HES4: variants seen among roughly 807,000 people sequenced by gnomAD.
HES4 encodes the protein hes family bHLH transcription factor 4.
A neutral mutation model predicts 10.7 loss-of-function variants in HES4; 17 were observed. The ratio of observed to expected loss-of-function variants is 1.59; its 90% CI spans 1.09 to 2.38. HES4 has a LOEUF of 2.38. HES4 is among the 30% of genes most tolerant of loss of function. The pLI, the probability that HES4 is intolerant of heterozygous loss-of-function variation, is 0.00. For synonymous variants in HES4, 189 were observed against 159.7 expected, an observed-to-expected ratio of 1.18 and a Z score of -1.38; for missense variants, 389 against 332.1, an observed-to-expected ratio of 1.17 and a Z score of -1.33.
In HES4 at chr1:1,000,050, G is replaced by A. The variant is rs1644007930; in HGVS notation, c.-77C>T. On this transcript the variant is annotated 5_prime_UTR_variant, in exon 1 of 4. Coordinates refer to ENST00000304952, the MANE Select transcript of HES4 (RefSeq NM_021170.4). ...GGGCGGGCTGGCGGGCGAGCGGCGA[G>A]CGCGCGGCGATCCGAGCCCCTAGGG... 7 of 1,161,410 alleles carry A rather than the reference G, an allele frequency of 6.0e-6. No homozygotes were observed. The highest frequency in any genetic ancestry group is 1.6e-5 in the African/African-American group (1 of 61,574). The allele number at this position is 1,161,410 out of a possible 1,614,324, so 71.9% of individuals were successfully genotyped here.
Position 999,783 on chromosome 1 carries a change from G to C in HES4, c.113C>G (p.Ser38Cys), listed in dbSNP as rs751404133. 1.2e-5 allele frequency: 20 copies of C among 1,611,028 alleles called. No homozygotes were observed. The highest frequency in any genetic ancestry group is 4.0e-5 in the African/African-American group (3 of 74,658). Residue 38 changes from serine to cysteine, a missense_variant, in exon 2 of 4, where the codon TCC (serine) becomes TGC (cysteine). By Grantham distance (112) the Ser-to-Cys change is moderately radical. Transcript: ENST00000304952. Reference sequence around the variant, plus strand: ...GCGCCGCTTCTCCATGACCGGCTTGGAGGACTGCGGGTCGGGCACCGGCTG... The same window carrying C: ...GCGCCGCTTCTCCATGACCGGCTTGCAGGACTGCGGGTCGGGCACCGGCTG... ...PRSAAEHRKS[S>C]KPVMEKRRRA... is the part of the protein sequence containing the mutation.
Position 999,960 on chromosome 1 carries a change from G to C in HES4, c.14C>G (p.Thr5Arg), listed in dbSNP as rs1214667304. The C allele has an allele frequency of 1.0e-5, 15 of 1,448,782 alleles. No individual in the cohort carries two copies. The highest frequency in any genetic ancestry group is 1.3e-5 in the Non-Finnish European group (15 of 1,111,140). 89.7% of individuals were successfully genotyped at this position (1,448,782 alleles called of 1,614,324 possible). The change falls in exon 1 of 4, where the codon ACG becomes AGG. Residue 5 changes from threonine to arginine, a missense_variant. Coordinates refer to ENST00000304952, the MANE Select transcript of HES4 (RefSeq NM_021170.4). MAAD[T>R]PGKPSASPMA... ...CGGCGAGGCGCTCGGTTTCCCCGGC[G>C]TGTCTGCGGCCATGGTGCGCCCCGC...
rs751805487 is a variant in HES4, at chr1:999,064, G to C, written c.661C>G (p.Arg221Gly). The change falls in exon 4 of 4, where the codon CGC (arginine) becomes GGC (glycine). Residue 221 changes from arginine to glycine, a missense_variant. By Grantham distance (125) the Arg-to-Gly change is moderately radical. Coordinates refer to ENST00000304952, the MANE Select transcript of HES4 (RefSeq NM_021170.4). ...GCAGTCTCAGGGCCACAGCCTCAGC[G>C]CAGCCACGGCCTCCAGGGCCCACCC... is the stretch of plus-strand genomic sequence containing the variant. ...GPGGPWRPWLR is the reference protein window; with the variant it reads ...GPGGPWRPWLG 2 of 1,259,528 alleles carry C rather than the reference G, an allele frequency of 1.6e-6. No individual in the cohort carries two copies. Among genetic ancestry groups the C allele is most frequent in the Non-Finnish European group, 2.0e-6 (2 of 1,001,012 alleles). The allele number at this position is 1,259,528 out of a possible 1,614,324, so 78.0% of individuals were successfully genotyped here.
Position 999,389 on chromosome 1 carries a change from G to A in HES4, c.336C>T (p.Ala112=), listed in dbSNP as rs1643988759. Residue 112 remains alanine (A), a synonymous_variant, in exon 4 of 4, where the codon GCC becomes GCT. Coordinates refer to ENST00000304952, the MANE Select transcript of HES4 (RefSeq NM_021170.4). ...ADPAVLGKYR[A]GFHECLAEVN... ...CCTCCGCCAGACACTCGTGGAAGCCGGCGCGGTACTTGCCCAGAACGGCGG... is the reference window on the plus strand; with the variant it reads ...CCTCCGCCAGACACTCGTGGAAGCCAGCGCGGTACTTGCCCAGAACGGCGG... The A allele has an allele frequency of 2.0e-6, 3 of 1,505,844 alleles. No individual in the cohort carries two copies. The highest frequency in any genetic ancestry group is 2.6e-6 in the Non-Finnish European group (3 of 1,139,686). The allele number at this position is 1,505,844 out of a possible 1,614,324, so 93.3% of individuals were successfully genotyped here.
In HES4 at chr1:999,436, C is replaced by T. The variant is rs1213488902; in HGVS notation, c.293-4G>A. 1.3e-6 allele frequency: 2 copies of T among 1,513,466 alleles called. No individual in the cohort carries two copies. Among genetic ancestry groups the T allele is most frequent in the South Asian group, 1.3e-5 (1 of 79,418 alleles). The allele number at this position is 1,513,466 out of a possible 1,614,324, so 93.8% of individuals were successfully genotyped here. A position where few individuals can be genotyped will look rare whatever the true frequency, so the allele number is the denominator to read the frequency against. ...GCGGGGTCGGCGCTGAGCGCGGCTGCGGGAGCGACACAGGAGGAGAGGTCG... is the reference window on the plus strand; with the variant it reads ...GCGGGGTCGGCGCTGAGCGCGGCTGTGGGAGCGACACAGGAGGAGAGGTCG... On this transcript the variant is annotated splice_region_variant and splice_polypyrimidine_tract_variant and intron_variant, in intron 3 of 3. Transcript: ENST00000304952.
chr1:999,066 A>C lies in HES4; in HGVS notation c.659T>G (p.Leu220Arg), dbSNP rs529717601. Residue 220 changes from leucine to arginine, a missense_variant, in exon 4 of 4, where the codon CTG becomes CGG. Leu to Arg is a moderately radical substitution (Grantham distance 102). Coordinates refer to ENST00000304952, the MANE Select transcript of HES4 (RefSeq NM_021170.4). Reference protein sequence around the residue: ...QGPGGPWRPWLR With the variant: ...QGPGGPWRPWRR ...AGTCTCAGGGCCACAGCCTCAGCGC[A>C]GCCACGGCCTCCAGGGCCCACCCGG... 1 of 1,259,594 alleles carries C rather than the reference A, an allele frequency of 7.9e-7. No homozygotes were observed. 78.0% of individuals were successfully genotyped at this position (1,259,594 alleles called of 1,614,324 possible). A position where few individuals can be genotyped will look rare whatever the true frequency, so the allele number is the denominator to read the frequency against.
At position 999,956 on chromosome 1, in the gene HES4, C is replaced by T. The variant is rs773112357; in HGVS notation, c.18G>A (p.Pro6=). ...CCATCGGCGAGGCGCTCGGTTTCCCCGGCGTGTCTGCGGCCATGGTGCGCC... is the reference window on the plus strand; with the variant it reads ...CCATCGGCGAGGCGCTCGGTTTCCCTGGCGTGTCTGCGGCCATGGTGCGCC... MAADT[P]GKPSASPMAG... is the part of the protein sequence containing the mutation. Residue 6 remains proline (P), a synonymous_variant, in exon 1 of 4, where the codon CCG becomes CCA. Coordinates refer to ENST00000304952, the MANE Select transcript of HES4 (RefSeq NM_021170.4). 4.8e-6 allele frequency: 7 copies of T among 1,450,224 alleles called. No individual in the cohort carries two copies. The highest frequency in any genetic ancestry group is 3.0e-5 in the African/African-American group (2 of 66,532). The allele number at this position is 1,450,224 out of a possible 1,614,324, so 89.8% of individuals were successfully genotyped here. A position where few individuals can be genotyped will look rare whatever the true frequency, so the allele number is the denominator to read the frequency against.
rs764677178 is a variant in HES4 at position 999,578 on chromosome 1, G to C, written c.240C>G (p.Ile80Met). ...SRHSKLEKAD[I>M]LEMTVRHLRS... is the part of the protein sequence containing the mutation. The stretch of plus-strand genomic sequence containing the variant: ...GCAGGTGTCTCACGGTCATCTCCAG[G>C]ATGTCCGCCTTCTCCAGCTTCGAGT... Residue 80 changes from isoleucine to methionine, a missense_variant, in exon 3 of 4, where the codon ATC becomes ATG. By Grantham distance (10) the Ile-to-Met change is conservative. Coordinates refer to ENST00000304952, the MANE Select transcript of HES4 (RefSeq NM_021170.4). 4 of 1,610,242 alleles carry C rather than the reference G, an allele frequency of 2.5e-6. No homozygotes were observed. Among genetic ancestry groups the C allele is most frequent in the Admixed American group, 1.7e-5 (1 of 59,792 alleles).
In HES4 at chr1:999,603, TGGCGGGAGCTCTGGG is replaced by T. The variant is rs1557668160; in HGVS notation, c.205-5_214del. 1 of 1,607,506 alleles carries T rather than the reference TGGCGGGAGCTCTGGG, an allele frequency of 6.2e-7. No individual in the cohort carries two copies. Among genetic ancestry groups the T allele is most frequent in the Non-Finnish European group, 8.5e-7 (1 of 1,177,944 alleles). ...GATGTCCGCCTTCTCCAGCTTCGAGTGGCGGGAGCTCTGGGGGCGGGGATAGGCGGGAGGTCCAGG... is the reference window on the plus strand; with the variant it reads ...GATGTCCGCCTTCTCCAGCTTCGAGTGGCGGGGATAGGCGGGAGGTCCAGG... On this transcript the variant is annotated splice_acceptor_variant and splice_polypyrimidine_tract_variant and coding_sequence_variant and intron_variant, in exon 3 of 4. Coordinates refer to ENST00000304952, the MANE Select transcript of HES4 (RefSeq NM_021170.4). LOFTEE classifies it high-confidence loss of function.
chr1:999,012 G>A lies in HES4; in HGVS notation c.*47C>T, dbSNP rs754810551. The A allele has an allele frequency of 4.8e-6, 6 of 1,255,698 alleles. No homozygotes were observed. The highest frequency in any genetic ancestry group is 5.0e-6 in the Non-Finnish European group (5 of 994,792). The allele number at this position is 1,255,698 out of a possible 1,614,324, so 77.8% of individuals were successfully genotyped here. A position where few individuals can be genotyped will look rare whatever the true frequency, so the allele number is the denominator to read the frequency against. On this transcript the variant is annotated 3_prime_UTR_variant, in exon 4 of 4. Coordinates refer to ENST00000304952, the MANE Select transcript of HES4 (RefSeq NM_021170.4). Reference sequence around the variant, plus strand: ...TGCTACAGTCTCGGCAAAGGCCACGGCCCTAGAACGGGGCGCCGCCTCCGA... The same window carrying A: ...TGCTACAGTCTCGGCAAAGGCCACGACCCTAGAACGGGGCGCCGCCTCCGA...
rs1644003549 is a variant in HES4 at position 999,898 on chromosome 1, CTG to C, written c.74_75del (p.Pro25ArgfsTer26). On this transcript the variant is annotated frameshift_variant, in exon 1 of 4. Coordinates refer to ENST00000304952, the MANE Select transcript of HES4 (RefSeq NM_021170.4). LOFTEE classifies it high-confidence loss of function. ...AGAPASASRT[P>X]DKPRSAAEHR... ...TGCTCGGCCGCGCTCCGGGGCTTGTCTGGGGTCCGGCTGGCGCTGGCCGGCGC... is the reference window on the plus strand; with the variant it reads ...TGCTCGGCCGCGCTCCGGGGCTTGTCGGGTCCGGCTGGCGCTGGCCGGCGC... 1 of 1,498,472 alleles carries C rather than the reference CTG, an allele frequency of 6.7e-7. No homozygotes were observed. The highest frequency in any genetic ancestry group is 1.5e-5 in the African/African-American group (1 of 68,306). The allele number at this position is 1,498,472 out of a possible 1,614,324, so 92.8% of individuals were successfully genotyped here.
intron 3 of HES4, 23 bp downstream of exon 3, chr1:999,503 A>T (rs1643991639): frequency 6.4e-7 from 1 of 1,570,348 alleles, no homozygotes; most frequent in Non-Finnish European, 8.6e-7. Context: ...CCCGCCTCCA[A>T]GCCGCCGCCG....
At position 999,944 on chromosome 1, in the gene HES4, G is replaced by A; in HGVS notation, c.30C>T (p.Ser10=). 3.4e-6 allele frequency: 5 copies of A among 1,455,374 alleles called. No homozygotes were observed. Among genetic ancestry groups the A allele is most frequent in the South Asian group, 2.7e-5 (2 of 75,208 alleles). The allele number at this position is 1,455,374 out of a possible 1,614,324, so 90.2% of individuals were successfully genotyped here. ...CCGGCGCTCCTGCCATCGGCGAGGC[G>A]CTCGGTTTCCCCGGCGTGTCTGCGG... is the stretch of plus-strand genomic sequence containing the variant. MAADTPGKP[S]ASPMAGAPAS... Residue 10 remains serine, a synonymous_variant, in exon 1 of 4, where the codon AGC becomes AGT. Transcript: ENST00000304952.
chr1:999,791 C>A lies in HES4; in HGVS notation c.109-4G>T. 1 of 1,610,268 alleles carries A rather than the reference C, an allele frequency of 6.2e-7. No homozygotes were observed. The highest frequency in any genetic ancestry group is 8.5e-7 in the Non-Finnish European group (1 of 1,179,006). ...TCTCCATGACCGGCTTGGAGGACTG[C>A]GGGTCGGGCACCGGCTGAGTCCCGC... is the stretch of plus-strand genomic sequence containing the variant. On this transcript the variant is annotated splice_polypyrimidine_tract_variant and splice_region_variant and intron_variant, in intron 1 of 3. Transcript: ENST00000304952.
chr1:999,311 G>A lies in HES4; in HGVS notation c.414C>T (p.Arg138=), dbSNP rs1445353125. ...GGCAGGCTGCCAGGTGGCCCAGCAGGCGGGAGCGCACGTCGGCCGGGACGC... is the reference window on the plus strand; with the variant it reads ...GGCAGGCTGCCAGGTGGCCCAGCAGACGGGAGCGCACGTCGGCCGGGACGC... ...CEGVPADVRS[R]LLGHLAACLR... Residue 138 remains arginine, a synonymous_variant, in exon 4 of 4, where the codon CGC becomes CGT. Transcript: ENST00000304952. 3 of 1,475,714 alleles carry A rather than the reference G, an allele frequency of 2.0e-6. No homozygotes were observed. The highest frequency in any genetic ancestry group is 2.7e-6 in the Non-Finnish European group (3 of 1,119,810). 91.4% of individuals were successfully genotyped at this position (1,475,714 alleles called of 1,614,324 possible).
rs1302167059 is a variant in HES4, at chr1:999,798, G to A, written c.109-11C>T. ...GACCGGCTTGGAGGACTGCGGGTCG[G>A]GCACCGGCTGAGTCCCGCGTCCCTC... On this transcript the variant is annotated splice_polypyrimidine_tract_variant and intron_variant, in intron 1 of 3. Transcript: ENST00000304952. The A allele has an allele frequency of 2.0e-5, 32 of 1,609,470 alleles. No individual in the cohort carries two copies. The highest frequency in any genetic ancestry group is 2.5e-5 in the Non-Finnish European group (30 of 1,178,834).
At position 999,594 on chromosome 1, in the gene HES4, A is replaced by G. The variant is rs781624234; in HGVS notation, c.224T>C (p.Leu75Pro). The G allele has an allele frequency of 7.5e-6, 12 of 1,609,228 alleles. No individual in the cohort carries two copies. Among genetic ancestry groups the G allele is most frequent in the Non-Finnish European group, 9.3e-6 (11 of 1,178,522 alleles). Residue 75 changes from leucine (L) to proline (P), a missense_variant, in exon 3 of 4, where the codon CTG (leucine) becomes CCG (proline). Coordinates refer to ENST00000304952, the MANE Select transcript of HES4 (RefSeq NM_021170.4). ...LRKESSRHSK[L>P]EKADILEMTV... ...CATCTCCAGGATGTCCGCCTTCTCC[A>G]GCTTCGAGTGGCGGGAGCTCTGGGG...
intron 3 of HES4, 41 bp from the exon 4 acceptor site, chr1:999,473 CG>C: frequency 4.5e-6 from 7 of 1,557,738 alleles, no homozygotes; most frequent in South Asian, 1.2e-5. Context: ...TGCCGGGTCC[CG>C]GGGGTCCCGC....
chr1:999,608 G>A lies in HES4; in HGVS notation c.210C>T (p.Ser70=). ...CCGCCTTCTCCAGCTTCGAGTGGCG[G>A]GAGCTCTGGGGGCGGGGATAGGCGG... ...LILDALRKES[S]RHSKLEKADI... The change falls in exon 3 of 4, where the codon TCC becomes TCT. Residue 70 remains serine (S), a synonymous_variant. Transcript: ENST00000304952. 1.2e-6 allele frequency: 2 copies of A among 1,606,588 alleles called. No individual in the cohort carries two copies. The highest frequency in any genetic ancestry group is 1.7e-5 in the Admixed American group (1 of 59,448).
Sources: allele counts gnomAD v4.1 joint callset, GRCh38; gene constraint gnomAD v4.1.1; transcripts MANE v1.5; gene names NCBI Gene and HGNC (gene_info 2026-07-23, HGNC 2026-07-21).